NFX1: variants seen among roughly 807,000 people sequenced by gnomAD.
NFX1 encodes transcriptional repressor NF-X1.
In NFX1, 69 loss-of-function variants were observed where a neutral mutation model predicts 137.2. That is an observed-to-expected ratio of 0.50 (90% CI 0.41 to 0.61). The LOEUF (loss-of-function observed/expected upper bound fraction) is 0.61. Among genes scored for constraint, NFX1 ranks in the 20% least tolerant of loss-of-function variants. The pLI is 0.00. For synonymous variants in NFX1, 495 were observed against 474.1 expected (o/e 1.04, Z -0.57); for missense variants, 1,167 against 1,391.0 (o/e 0.84, Z 2.56).
At chr9:33,333,708 T>A (rs552948206) in intron 11 of NFX1, among the ~76,000 whole-genome samples, 1 of 152,314 alleles carries the variant, frequency 6.6e-6, no homozygotes, top group African/African-American at 2.4e-5. Flanking sequence ...GCTCCCAGTT[T>A]CTGAACAAAA....
At chr9:33,319,187 A>C in intron 9 of NFX1, 60 bp downstream of exon 9, 1 of 1,435,416 alleles carries the variant, frequency 7.0e-7, no homozygotes, top group Non-Finnish European at 9.8e-7. Flanking sequence ...GGCAGCAGTG[A>C]GTGTTTAAGC....
At chr9:33,363,061 A>G (rs1824053008) in intron 19 of NFX1, among the ~76,000 whole-genome samples, 1 of 151,818 alleles carries the variant, frequency 6.6e-6, no homozygotes, top group Non-Finnish European at 1.5e-5. Context: ...AAGGTGTAGT[A>G]TTTTACAAAA....
intron 21 of NFX1, chr9:33,365,451 A>C (rs1824141968): frequency 6.6e-6 from 1 of 152,188 alleles, no homozygotes. Flanking sequence ...TCTACAAAAA[A>C]TAAAAAATTA....
intron 9 of NFX1, among the ~76,000 whole-genome samples, chr9:33,327,456 C>A (rs533892040): frequency 6.6e-6 from 1 of 152,348 alleles, no homozygotes; most frequent in East Asian, 1.9e-4. Flanking sequence ...CCTCCGCCTC[C>A]CAGGTTCAAG....
At chr9:33,338,837 TAAGAG>T (rs1239164300) in intron 12 of NFX1, among the ~76,000 whole-genome samples, 3 of 152,080 alleles carry the variant, frequency 2.0e-5, no homozygotes, top group African/African-American at 4.8e-5. Flanking sequence ...GAGAAAGAGA[TAAGAG>T]AAGGTCTCAC....
rs1564112633 is a variant in NFX1, at chr9:33,313,808, C to T, written c.1588+15C>T. The T allele has an allele frequency of 3.1e-6, 5 of 1,608,364 alleles. No homozygotes were observed. Among genetic ancestry groups the T allele is most frequent in the Middle Eastern group, 3.4e-4 (2 of 5,812 alleles). ...TTTGAACCAGGGTAAGTGGTGGGCA[C>T]ACCAGCTAGCAATGCTTGTGTTCTT... On this transcript the variant is annotated intron_variant, in intron 7 of 23. Coordinates refer to ENST00000379540, the MANE Select transcript of NFX1 (RefSeq NM_002504.6).
intron 19 of NFX1, among the ~76,000 whole-genome samples, chr9:33,363,005 A>G (rs930568226): frequency 8.6e-5 from 13 of 151,684 alleles, no homozygotes; most frequent in Admixed American, 8.5e-4. Flanking sequence ...TACCCAGCCT[A>G]AGTTCTCGTG....
chr9:33,360,689 T>G (rs1004346757), intron 19 of NFX1, among the ~76,000 whole-genome samples: 5 of 152,202 alleles, frequency 3.3e-5, no homozygotes, highest in African/African-American at 4.8e-5. Context: ...ATTGTAGAAA[T>G]AAAAACCTAG....
chr9:33,347,532 A>T (rs1370970282), intron 15 of NFX1: 3 of 181,594 alleles, frequency 1.7e-5, no homozygotes, highest in Admixed American at 6.0e-5. Flanking sequence ...AAAAAATAAT[A>T]GATGTTGGCG....
rs1824307481 is a variant in NFX1 at position 33,370,947 on chromosome 9, C to T, written c.*969C>T. ...TCCAGGGCTTATGCCCAGCAGCCCA[C>T]TGGAGGCATTCTTCAGGCTCCTTTA... On this transcript the variant is annotated 3_prime_UTR_variant, in exon 24 of 24. Transcript: ENST00000379540. The T allele has an allele frequency of 6.6e-6, 1 of 152,246 alleles. No individual in the cohort carries two copies. Among genetic ancestry groups the T allele is most frequent in the South Asian group, 2.1e-4 (1 of 4,830 alleles). 9.4% of individuals were successfully genotyped at this position (152,246 alleles called of 1,614,324 possible).
At chr9:33,309,496 C>G (rs1298412893) in intron 5 of NFX1, among the ~76,000 whole-genome samples, 1 of 152,234 alleles carries the variant, frequency 6.6e-6, no homozygotes, top group Non-Finnish European at 1.5e-5. Context: ...CCTGCTCCTG[C>G]TCTTTTGTGG....
chr9:33,302,301 T>G (rs1054993211), intron 3 of NFX1, among the ~76,000 whole-genome samples: 1 of 151,808 alleles, frequency 6.6e-6, no homozygotes, highest in Non-Finnish European at 1.5e-5. Flanking sequence ...ATATAATAAA[T>G]TGTTGTTAGC....
In NFX1 at chr9:33,328,164, C is replaced by G. The variant is rs1344419019; in HGVS notation, c.1907-417C>G. ...TAGCTGGGACTGTAGGCCTGCATCA[C>G]CACTCCTGGCTAATTTCTTGTTTTT... On this transcript the variant is annotated intron_variant, in intron 9 of 23. Coordinates refer to ENST00000379540, the MANE Select transcript of NFX1 (RefSeq NM_002504.6). 2.0e-5 allele frequency among the ~76,000 whole-genome samples: 3 copies of G among 151,782 alleles called. No individual in the cohort carries two copies. The East Asian group carries it at 5.8e-4, about 29-fold the overall frequency.
At position 33,351,807 on chromosome 9, in the gene NFX1, A is replaced by G. The variant is rs1267751727; in HGVS notation, c.2655+17A>G. 1.9e-6 allele frequency: 3 copies of G among 1,550,060 alleles called. No individual in the cohort carries two copies. The highest frequency in any genetic ancestry group is 2.6e-6 in the Non-Finnish European group (3 of 1,149,234). Reference sequence around the variant, plus strand: ...AAAGCTAAGGTGGGTATTTCTGGCCACAGATGCAGCATTGACTGTAGTTCT... The same window carrying G: ...AAAGCTAAGGTGGGTATTTCTGGCCGCAGATGCAGCATTGACTGTAGTTCT... On this transcript the variant is annotated intron_variant, in intron 16 of 23. Transcript: ENST00000379540.
chr9:33,300,364 G>A (rs1015071105), intron 2 of NFX1, among the ~76,000 whole-genome samples: 2 of 151,986 alleles, frequency 1.3e-5, no homozygotes, highest in Admixed American at 1.3e-4. Flanking sequence ...TGTCCAACCT[G>A]TTACAGCCTT....
chr9:33,346,399 A>G (rs1823421931), intron 14 of NFX1, among the ~76,000 whole-genome samples: 1 of 152,210 alleles, frequency 6.6e-6, no homozygotes, highest in South Asian at 2.1e-4. Flanking sequence ...GAAGAGAAAA[A>G]TACCCTGTGA....
intron 3 of NFX1, 36 bp from the exon 4 acceptor site, chr9:33,303,155 A>G (rs550455057): frequency 1.9e-6 from 3 of 1,573,954 alleles, no homozygotes; most frequent in East Asian, 4.5e-5. Context: ...CTTTTGGAAG[A>G]AAATTTATTT....
rs1432579559 is a variant in NFX1, at chr9:33,367,609, C to G, written c.3280C>G (p.Gln1094Glu). The change falls in exon 23 of 24, where the codon CAG becomes GAG. Residue 1094 changes from glutamine to glutamate, a missense_variant. Around this residue, in one of 3 missense-constraint regions of NFX1, gnomAD observed 312 missense variants for 312.8 expected, o/e 1.00. Transcript: ENST00000379540. ...ACCACCGATTCCTCATCACAGACAT[C>G]AGTCAGACAAGTAAGATTCTCCAGC... ...PPPPIPHHRH[Q>E]SDKNPGSSNL... is the part of the protein sequence containing the mutation. 47 of 1,613,516 alleles carry G rather than the reference C, an allele frequency of 2.9e-5. No homozygotes were observed. Among genetic ancestry groups the G allele is most frequent in the Non-Finnish European group, 4.0e-5 (47 of 1,179,676 alleles).
At chr9:33,321,878 CAA>C (rs1349632802) in intron 9 of NFX1, among the ~76,000 whole-genome samples, 28 of 106,178 alleles carry the variant, frequency 2.6e-4, no homozygotes, top group Non-Finnish European at 2.4e-4. Context: ...GACCCTGTCT[CAA>C]AAAAAAAAAA....
Sources: gnomAD v4.1 joint callset for allele counts (sites outside exome capture counted in the v4.1 genomes callset) on GRCh38, gnomAD v4.1.1 for gene constraint, gnomAD v4.1.1 regional missense constraint, MANE v1.5 for transcripts, NCBI Gene and HGNC (gene_info 2026-07-23, HGNC 2026-07-21) for gene names.